Variants in AGO2 observed in about 807,000 individuals in gnomAD.
The protein encoded by AGO2 is protein argonaute-2.
In AGO2, 5 loss-of-function variants were observed where a neutral mutation model predicts 102.3. The observed-to-expected ratio is 0.05, with a 90% CI of 0.03 to 0.10. The LOEUF (loss-of-function observed/expected upper bound fraction) is 0.10, where lower values mean the gene tolerates loss of function less well. Ranked by LOEUF, AGO2 falls within the 10% of genes least tolerant of loss-of-function variation. AGO2 has a pLI of 1.00. For synonymous variants in AGO2, 449 were observed against 473.1 expected (o/e 0.95, Z 0.66); for missense variants, 541 against 1,183.7 (o/e 0.46, Z 7.97).
At chr8:140,554,293 C>G (rs1259751383) in intron 10 of AGO2, among the ~76,000 whole-genome samples, 2 of 152,156 alleles carry the variant, frequency 1.3e-5, no homozygotes, top group Non-Finnish European at 2.9e-5. Context: ...GGGGGACAAG[C>G]GAGCCAAGGA....
chr8:140,617,744 T>C (rs2074159676), intron 1 of AGO2, among the ~76,000 whole-genome samples: 1 of 152,182 alleles, frequency 6.6e-6, no homozygotes, highest in South Asian at 2.1e-4. Context: ...ATGCTGGGCA[T>C]GGTGGCTCAG....
chr8:140,608,489 C>T (rs1353747033), intron 1 of AGO2, among the ~76,000 whole-genome samples: 2 of 152,232 alleles, frequency 1.3e-5, no homozygotes, highest in Admixed American at 6.5e-5. Context: ...CCCCTCCCAG[C>T]GCTATTCAGG....
At chr8:140,619,624 G>A (rs988383806) in intron 1 of AGO2, among the ~76,000 whole-genome samples, 4 of 152,190 alleles carry the variant, frequency 2.6e-5, no homozygotes, top group African/African-American at 7.2e-5. Flanking sequence ...GCAGCGATCC[G>A]ACTGCACTGT....
At chr8:140,618,264 G>T (rs1292083918) in intron 1 of AGO2, among the ~76,000 whole-genome samples, 2 of 151,820 alleles carry the variant, frequency 1.3e-5, no homozygotes, top group Non-Finnish European at 2.9e-5. Context: ...AGGTTGCAGT[G>T]AGCCGAGATC....
intron 11 of AGO2, 137 bp downstream of exon 11, chr8:140,551,166 G>A (rs2072986631): frequency 9.3e-7 from 1 of 1,074,548 alleles, no homozygotes; most frequent in Non-Finnish European, 1.3e-6. Context: ...ACAGGGAAAG[G>A]CTGATGAACC....
At chr8:140,605,052 G>A (rs1257319922) in intron 1 of AGO2, among the ~76,000 whole-genome samples, 4 of 152,184 alleles carry the variant, frequency 2.6e-5, no homozygotes, top group Admixed American at 1.3e-4. Flanking sequence ...TGGCGGATAC[G>A]TTAGACTTTC....
chr8:140,559,249 C>T, intron 6 of AGO2, 146 bp downstream of exon 6: 1 of 1,008,714 alleles, frequency 9.9e-7, no homozygotes, highest in East Asian at 2.5e-5. Context: ...TAACTCATCT[C>T]CATGCTACCT....
the AGO2 span, among the ~76,000 whole-genome samples, chr8:140,640,686 A>G: frequency 1.3e-5 from 2 of 152,064 alleles, no homozygotes; most frequent in East Asian, 3.9e-4. Flanking sequence ...TGCCCAGCTA[A>G]TTTTTTGTAT....
chr8:140,549,590 C>A (rs553976162), intron 11 of AGO2, among the ~76,000 whole-genome samples: 2 of 152,390 alleles, frequency 1.3e-5, no homozygotes, highest in Non-Finnish European at 1.5e-5. Flanking sequence ...AAACCGCGCT[C>A]ACGCTGCCTC....
At chr8:140,550,698 C>T (rs1346633141) in intron 11 of AGO2, among the ~76,000 whole-genome samples, 1 of 152,184 alleles carries the variant, frequency 6.6e-6, no homozygotes. Flanking sequence ...CTCACTGCAA[C>T]CTCCACCTCC....
At chr8:140,554,879 A>T (rs2073068335) in intron 10 of AGO2, among the ~76,000 whole-genome samples, 2 of 152,002 alleles carry the variant, frequency 1.3e-5, no homozygotes, top group Admixed American at 1.3e-4. Flanking sequence ...TTTAGTAGAG[A>T]CAGGGTTTCT....
intron 1 of AGO2, among the ~76,000 whole-genome samples, chr8:140,600,573 G>C (rs1175403156): frequency 3.3e-5 from 5 of 152,098 alleles, no homozygotes; most frequent in African/African-American, 1.2e-4. Flanking sequence ...CCAGCTACTT[G>C]GGAGGCTGAG....
intron 1 of AGO2, among the ~76,000 whole-genome samples, chr8:140,607,956 C>T (rs2074026055): frequency 1.3e-5 from 2 of 152,190 alleles, no homozygotes; most frequent in African/African-American, 4.8e-5. Flanking sequence ...TATGGAAGAT[C>T]TAATCAATAA....
intron 2 of AGO2, among the ~76,000 whole-genome samples, chr8:140,576,712 C>CTTG (rs1782195167): frequency 6.6e-6 from 1 of 152,228 alleles, no homozygotes; most frequent in African/African-American, 2.4e-5. Context: ...ATTTACCACC[C>CTTG]TGTCTAGCAA....
chr8:140,544,147 A>T, intron 14 of AGO2, 66 bp downstream of exon 14: 1 of 1,476,194 alleles, frequency 6.8e-7, no homozygotes. Context: ...ACGCTGTGAC[A>T]GTGGGACTTC....
chr8:140,587,374 G>A (rs1322146828), intron 1 of AGO2, among the ~76,000 whole-genome samples: 1 of 152,236 alleles, frequency 6.6e-6, no homozygotes, highest in Non-Finnish European at 1.5e-5. Flanking sequence ...AGTTAAAGAT[G>A]TAAAAGTTTT....
At position 140,562,433 on chromosome 8, in the gene AGO2, G is replaced by T; in HGVS notation, c.518+20C>A. 1 of 1,600,484 alleles carries T rather than the reference G, an allele frequency of 6.2e-7. No homozygotes were observed. On this transcript the variant is annotated intron_variant, in intron 4 of 18. Coordinates refer to ENST00000220592, the MANE Select transcript of AGO2 (RefSeq NM_012154.5). ...GCTGCAGGGGAGTCCCCCGCCCTTG[G>T]TCCCGTGTGGCGCCCTCACCTCATG...
At chr8:140,641,998 C>T in the AGO2 span, among the ~76,000 whole-genome samples, 3 of 151,028 alleles carry the variant, frequency 2.0e-5, no homozygotes, top group Non-Finnish European at 2.9e-5. Context: ...ACTGTGATCA[C>T]GCCACTGTAC....
intron 1 of AGO2, chr8:140,626,412 C>T (rs1390305618): frequency 6.6e-6 from 1 of 152,216 alleles, no homozygotes; most frequent in Middle Eastern, 3.2e-3. Flanking sequence ...GAACGCCCGC[C>T]CTACTGCCAG....
Sources: allele counts gnomAD v4.1 joint callset (sites outside exome capture counted in the v4.1 genomes callset), GRCh38; gene constraint gnomAD v4.1.1; transcripts MANE v1.5; gene names NCBI Gene and HGNC (gene_info 2026-07-23, HGNC 2026-07-21).